FOXO1: variants seen among roughly 807,000 people sequenced by gnomAD.
FOXO1 encodes forkhead box protein O1.
FOXO1 carries 6 observed loss-of-function variants against 44.1 expected under a neutral mutation model. That is an observed-to-expected ratio of 0.14 (90% confidence interval 0.07 to 0.27). FOXO1 has a LOEUF of 0.27. FOXO1 is among the 10% of genes least tolerant of loss of function. The pLI, the probability that FOXO1 is intolerant of heterozygous loss-of-function variation, is 1.00. For missense variants in FOXO1, 737 were observed against 888.8 expected (o/e 0.83, Z 2.17); for synonymous variants, 380 against 362.7 (o/e 1.05, Z -0.54).
At chr13:40,619,164 G>A (rs1181300100) in intron 1 of FOXO1, among the ~76,000 whole-genome samples, 1 of 152,130 alleles carries the variant, frequency 6.6e-6, no homozygotes, top group Non-Finnish European at 1.5e-5. Context: ...GCACATGCCT[G>A]TAATACCTAA....
chr13:40,569,257 G>A lies in FOXO1; in HGVS notation c.631-8397C>T, dbSNP rs117022329. Among the ~76,000 whole-genome samples the A allele has an allele frequency of 2.0e-3, 310 of 152,332 alleles. 2 individuals carry two copies. Among genetic ancestry groups the A allele is most frequent in the Middle Eastern group, 3.4e-3 (1 of 294 alleles). ...GGGAAGTACACTGTGAGGCAGAACC[G>A]GAGGTGCCGGCTCTGGAGGCAGAGT... is the stretch of plus-strand genomic sequence containing the variant. On this transcript the variant is annotated intron_variant, in intron 1 of 2. Transcript: ENST00000379561.
chr13:40,559,860 C>CTTA lies in FOXO1; in HGVS notation c.1628_1630dup (p.Val543_Ser544insIle). ...CATACCCGAGGTGTGGGGCATGGTGCTTACCGTGTGGGGCAGGGGACGCCC... is the reference window on the plus strand; with the variant it reads ...CATACCCGAGGTGTGGGGCATGGTGCTTATTACCGTGTGGGGCAGGGGACGCCC... On this transcript the variant is annotated inframe_insertion, in exon 2 of 3. Transcript: ENST00000379561. 2 of 1,614,072 alleles carry CTTA rather than the reference C, an allele frequency of 1.2e-6. No homozygotes were observed. Among genetic ancestry groups the CTTA allele is most frequent in the Non-Finnish European group, 1.7e-6 (2 of 1,179,974 alleles).
At chr13:40,593,925 C>T (rs2137869231) in intron 1 of FOXO1, among the ~76,000 whole-genome samples, 1 of 152,182 alleles carries the variant, frequency 6.6e-6, no homozygotes, top group East Asian at 1.9e-4. Context: ...TAATGAGGTC[C>T]CCTTAGACGA....
At chr13:40,584,838 T>C (rs1441492166) in intron 1 of FOXO1, among the ~76,000 whole-genome samples, 1 of 152,356 alleles carries the variant, frequency 6.6e-6, no homozygotes, top group South Asian at 2.1e-4. Context: ...TCGGATGTTA[T>C]GATTCACTAG....
chr13:40,636,347 A>T (rs2137917807), intron 1 of FOXO1, among the ~76,000 whole-genome samples: 1 of 152,258 alleles, frequency 6.6e-6, no homozygotes, highest in South Asian at 2.1e-4. Context: ...AATGTTGATG[A>T]TACTTACACC....
At chr13:40,648,529 T>G (rs1412410021) in intron 1 of FOXO1, among the ~76,000 whole-genome samples, 2 of 152,242 alleles carry the variant, frequency 1.3e-5, no homozygotes, top group South Asian at 2.1e-4. Flanking sequence ...ATAAAAAGCA[T>G]GTGCATTCAA....
At chr13:40,650,966 G>A (rs1168821969) in intron 1 of FOXO1, among the ~76,000 whole-genome samples, 2 of 152,146 alleles carry the variant, frequency 1.3e-5, no homozygotes, top group African/African-American at 4.8e-5. Flanking sequence ...CGTTAGCCAG[G>A]CTGATCTCAA....
At chr13:40,661,500 T>C (rs766171388) in intron 1 of FOXO1, among the ~76,000 whole-genome samples, 4 of 152,212 alleles carry the variant, frequency 2.6e-5, no homozygotes, top group Non-Finnish European at 4.4e-5. Flanking sequence ...TTTCACCATG[T>C]TGCCCAGGGT....
intron 1 of FOXO1, among the ~76,000 whole-genome samples, chr13:40,606,736 T>TTGCCAGATGTCAGCCCATCTCA (rs1876015229): frequency 6.6e-6 from 1 of 152,142 alleles, no homozygotes; most frequent in Admixed American, 6.5e-5. Flanking sequence ...TAGACACTAC[T>TTGCCAGATGTCAGCCCATCTCA]TGCCAGATGT....
chr13:40,661,912 G>A (rs963913810), intron 1 of FOXO1, among the ~76,000 whole-genome samples: 1 of 151,954 alleles, frequency 6.6e-6, no homozygotes, highest in African/African-American at 2.4e-5. Context: ...GGTGGCTTAC[G>A]CATGTAATCT....
intron 1 of FOXO1, among the ~76,000 whole-genome samples, chr13:40,636,487 T>C (rs951461143): frequency 1.3e-5 from 2 of 151,396 alleles, no homozygotes; most frequent in Non-Finnish European, 2.9e-5. Context: ...CTGGTCGATA[T>C]AGCAAGATCC....
chr13:40,629,027 G>A (rs192268808), intron 1 of FOXO1, among the ~76,000 whole-genome samples: 4 of 152,286 alleles, frequency 2.6e-5, no homozygotes, highest in East Asian at 3.9e-4. Flanking sequence ...CCAAAGCCTT[G>A]TTCATTCATC....
At chr13:40,592,494 T>C (rs906573237) in intron 1 of FOXO1, among the ~76,000 whole-genome samples, 5 of 152,212 alleles carry the variant, frequency 3.3e-5, no homozygotes, top group African/African-American at 9.6e-5. Context: ...AAAGACAACT[T>C]AAACCAGAAG....
chr13:40,564,491 A>C (rs757174753), intron 1 of FOXO1, among the ~76,000 whole-genome samples: 10 of 152,306 alleles, frequency 6.6e-5, no homozygotes, highest in Middle Eastern at 6.8e-3. Context: ...GACATTAAAG[A>C]AGCTACGGTT....
At chr13:40,603,139 C>T (rs1264655384) in intron 1 of FOXO1, among the ~76,000 whole-genome samples, 4 of 152,084 alleles carry the variant, frequency 2.6e-5, no homozygotes, top group Admixed American at 6.6e-5. Flanking sequence ...ATGCCTGTAC[C>T]GTGTATTTCC....
At chr13:40,574,402 G>A (rs1312138904) in intron 1 of FOXO1, among the ~76,000 whole-genome samples, 1 of 152,110 alleles carries the variant, frequency 6.6e-6, no homozygotes, top group African/African-American at 2.4e-5. Flanking sequence ...ATAACTGAAT[G>A]GTGCATTGTG....
At chr13:40,652,913 A>G (rs986503109) in intron 1 of FOXO1, among the ~76,000 whole-genome samples, 1 of 152,148 alleles carries the variant, frequency 6.6e-6, no homozygotes, top group Non-Finnish European at 1.5e-5. Flanking sequence ...CCTGGGAATT[A>G]GGTGATTCAA....
At chr13:40,609,597 G>A (rs1876152135) in intron 1 of FOXO1, among the ~76,000 whole-genome samples, 1 of 152,126 alleles carries the variant, frequency 6.6e-6, no homozygotes, top group African/African-American at 2.4e-5. Flanking sequence ...ATAAAAACAA[G>A]AGTTAAACAT....
In FOXO1 at chr13:40,570,518, G is replaced by A. The variant is rs1039329482; in HGVS notation, c.631-9658C>T. 8.7e-4 allele frequency among the ~76,000 whole-genome samples: 133 copies of A among 152,252 alleles called. 1 individual carries two copies. The highest frequency in any genetic ancestry group is 3.0e-3 in the African/African-American group (125 of 41,558). On this transcript the variant is annotated intron_variant, in intron 1 of 2. Coordinates refer to ENST00000379561, the MANE Select transcript of FOXO1 (RefSeq NM_002015.4). The stretch of plus-strand genomic sequence containing the variant: ...ACGGAGGATGTTCTCTGGTTTGTCT[G>A]ATCTTTATTAGCCAAAGGTCTAAAT...
Sources: allele counts gnomAD v4.1 joint callset (sites outside exome capture counted in the v4.1 genomes callset), GRCh38; gene constraint gnomAD v4.1.1; transcripts MANE v1.5; gene names NCBI Gene and HGNC (gene_info 2026-07-23, HGNC 2026-07-21).